Variants in SMG7 observed in about 807,000 individuals in gnomAD.
SMG7 encodes SMG7 nonsense mediated mRNA decay factor.
Under a neutral mutation model 148.2 loss-of-function variants are expected in SMG7, and 34 were observed. The ratio of observed to expected loss-of-function variants is 0.23; its 90% CI spans 0.17 to 0.31. The LOEUF (loss-of-function observed/expected upper bound fraction) is 0.31. Among genes scored for constraint, SMG7 ranks in the 10% least tolerant of loss-of-function variants. The pLI is 1.00. For synonymous variants in SMG7, 492 were observed against 515.1 expected, an observed-to-expected ratio of 0.96 and a Z score of 0.61; for missense variants, 1,114 against 1,408.4, an observed-to-expected ratio of 0.79 and a Z score of 3.35.
intron 1 of SMG7, among the ~76,000 whole-genome samples, chr1:183,474,535 G>T (rs1257400826): frequency 1.3e-5 from 2 of 152,218 alleles, no homozygotes; most frequent in Non-Finnish European, 2.9e-5. Flanking sequence ...TTGCACTCCA[G>T]CCTGGGCAAC....
chr1:183,472,834 C>T, intron 1 of SMG7, 185 bp downstream of exon 1: 1 of 455,802 alleles, frequency 2.2e-6, no homozygotes, highest in Non-Finnish European at 3.6e-6. Flanking sequence ...TGCCTAGCCC[C>T]TACCGCCCGG....
chr1:183,483,586 C>T (rs1654693712), intron 1 of SMG7, among the ~76,000 whole-genome samples: 1 of 152,234 alleles, frequency 6.6e-6, no homozygotes, highest in South Asian at 2.1e-4. Context: ...AGGACATCTG[C>T]AGAATTTTGT....
chr1:183,523,083 C>G (rs929464185), intron 4 of SMG7, among the ~76,000 whole-genome samples: 29 of 152,124 alleles, frequency 1.9e-4, no homozygotes, highest in African/African-American at 5.8e-4. Context: ...TACCATTCTG[C>G]TGTAGGTTGT....
chr1:183,480,168 T>A (rs774561471), intron 1 of SMG7, among the ~76,000 whole-genome samples: 4 of 152,140 alleles, frequency 2.6e-5, no homozygotes, highest in Non-Finnish European at 2.9e-5. Flanking sequence ...TTTACCATCC[T>A]TCAGGATCTT....
chr1:183,509,714 G>A (rs917263179), intron 1 of SMG7, among the ~76,000 whole-genome samples: 15 of 152,096 alleles, frequency 9.9e-5, no homozygotes, highest in Admixed American at 7.9e-4. Flanking sequence ...CTCTACCCTT[G>A]TTATACTGAG....
intron 1 of SMG7, among the ~76,000 whole-genome samples, chr1:183,507,552 A>G (rs966404840): frequency 6.6e-6 from 1 of 152,210 alleles, no homozygotes; most frequent in African/African-American, 2.4e-5. Context: ...TTCTTGCACT[A>G]TAAAGTGGGA....
chr1:183,551,328 C>T (rs1671015975), intron 22 of SMG7, 138 bp downstream of exon 22: 3 of 753,186 alleles, frequency 4.0e-6, no homozygotes, highest in Non-Finnish European at 6.0e-6. Flanking sequence ...GTCCTAGAAA[C>T]ATGGTCTGCC....
intron 1 of SMG7, among the ~76,000 whole-genome samples, chr1:183,477,388 CTGTTT>C (rs567020095): frequency 1.6e-3 from 231 of 144,714 alleles, no homozygotes; most frequent in Non-Finnish European, 2.5e-3. Flanking sequence ...CAGAAAGTAT[CTGTTT>C]TGTTTTGTGT....
chr1:183,500,596 C>T (rs1659508886), intron 1 of SMG7, among the ~76,000 whole-genome samples: 1 of 152,130 alleles, frequency 6.6e-6, no homozygotes, highest in Non-Finnish European at 1.5e-5. Context: ...AATGTGTACA[C>T]AAATAACTTT....
chr1:183,473,147 C>T (rs1481876292), intron 1 of SMG7, among the ~76,000 whole-genome samples: 4 of 151,434 alleles, frequency 2.6e-5, no homozygotes, highest in African/African-American at 9.7e-5. Flanking sequence ...AGAGGGAGAC[C>T]GCAGGAAACT....
chr1:183,546,269 C>T lies in SMG7; in HGVS notation c.2674C>T (p.Arg892Cys), dbSNP rs760532026. The T allele has an allele frequency of 2.4e-5, 38 of 1,613,852 alleles. No homozygotes were observed. The highest frequency in any genetic ancestry group is 8.0e-5 in the African/African-American group (6 of 74,866). ...SVMAQQANID[R>C]RGKRSPGVFR... ...AATGGCACAGCAAGCAAACATAGAC[C>T]GCAGGGGCAAACGGTCACCAGGAGT... The change falls in exon 17 of 23, where the codon CGC becomes TGC. Residue 892 changes from arginine (R) to cysteine (C), a missense_variant. Transcript: ENST00000688051.
intron 5 of SMG7, 86 bp downstream of exon 5, chr1:183,526,853 G>A (rs1288809389): frequency 3.8e-6 from 4 of 1,051,714 alleles, no homozygotes; most frequent in Admixed American, 5.2e-5. Context: ...CCTTTAAGCG[G>A]AGCATACACA....
Position 183,553,052 on chromosome 1 carries a change from G to C in SMG7, c.*1121G>C, listed in dbSNP as rs976096422. 1 of 1,536,226 alleles carries C rather than the reference G, an allele frequency of 6.5e-7. No individual in the cohort carries two copies. Among genetic ancestry groups the C allele is most frequent in the South Asian group, 1.2e-5 (1 of 84,070 alleles). ...GGAAGGAAGCAGCAGTATCTGCGTA[G>C]CCCACAGAGGGCCCAGGCCCCTGCC... On this transcript the variant is annotated 3_prime_UTR_variant, in exon 23 of 23. Transcript: ENST00000688051.
intron 11 of SMG7, among the ~76,000 whole-genome samples, chr1:183,537,718 G>T (rs1342795856): frequency 6.6e-6 from 1 of 152,094 alleles, no homozygotes; most frequent in Non-Finnish European, 1.5e-5. Flanking sequence ...GTATTATATT[G>T]TTAGCATTTT....
At chr1:183,497,029 A>G (rs1296860517) in intron 1 of SMG7, among the ~76,000 whole-genome samples, 1 of 152,142 alleles carries the variant, frequency 6.6e-6, no homozygotes, top group East Asian at 1.9e-4. Context: ...TATGGGCTTT[A>G]ACGAATATCT....
chr1:183,501,116 G>A (rs1659621753), intron 1 of SMG7: 2 of 152,148 alleles, frequency 1.3e-5, no homozygotes, highest in Non-Finnish European at 2.9e-5. Flanking sequence ...GATAATAATA[G>A]CATTTACCTT....
Position 183,552,127 on chromosome 1 carries a change from A to C in SMG7, c.*196A>C. The C allele has an allele frequency of 7.8e-7, 1 of 1,273,944 alleles. No individual in the cohort carries two copies. The highest frequency in any genetic ancestry group is 1.0e-6 in the Non-Finnish European group (1 of 999,808). The allele number at this position is 1,273,944 out of a possible 1,614,324, so 78.9% of individuals were successfully genotyped here. A position where few individuals can be genotyped will look rare whatever the true frequency, so the allele number is the denominator to read the frequency against. On this transcript the variant is annotated 3_prime_UTR_variant, in exon 23 of 23. Coordinates refer to ENST00000688051, the MANE Select transcript of SMG7 (RefSeq NM_001375584.1). ...CAACAAAAAGAAAAATCCATCAGGA[A>C]CTCTCCGTCCCCCCGGGGCCCTCCG...
At chr1:183,531,944 G>A (rs1444437762) in intron 8 of SMG7, among the ~76,000 whole-genome samples, 4 of 152,146 alleles carry the variant, frequency 2.6e-5, no homozygotes, top group African/African-American at 7.2e-5. Context: ...AGGAAATTTT[G>A]AGGAAAGATT....
chr1:183,548,243 A>G (rs1670282109), intron 18 of SMG7, among the ~76,000 whole-genome samples: 1 of 152,206 alleles, frequency 6.6e-6, no homozygotes, highest in Non-Finnish European at 1.5e-5. Flanking sequence ...TAGCAATAAA[A>G]GATCCCCCTG....
Sources: allele counts gnomAD v4.1 joint callset (sites outside exome capture counted in the v4.1 genomes callset), GRCh38; gene constraint gnomAD v4.1.1; transcripts MANE v1.5; gene names NCBI Gene and HGNC (gene_info 2026-07-23, HGNC 2026-07-21).